ADGRL3: variants seen among roughly 807,000 people sequenced by gnomAD.
ADGRL3 encodes the protein adhesion G protein-coupled receptor L3.
Under a neutral mutation model 153.5 loss-of-function variants are expected in ADGRL3, and 62 were observed. That is an observed-to-expected ratio of 0.40 (90% CI 0.33 to 0.50). ADGRL3 has a LOEUF of 0.50. Among genes scored for constraint, ADGRL3 ranks in the 20% least tolerant of loss-of-function variants. ADGRL3 has a pLI of 0.47. For synonymous variants in ADGRL3, 710 were observed against 672.5 expected (o/e 1.06, Z -0.86); for missense variants, 1,641 against 1,859.4 (o/e 0.88, Z 2.16).
intron 5 of ADGRL3, among the ~76,000 whole-genome samples, chr4:61,607,412 T>G (rs2099036581): frequency 1.3e-5 from 2 of 152,118 alleles, no homozygotes; most frequent in Admixed American, 1.3e-4. Context: ...GCCTGACCAA[T>G]ATGGTGAAAC....
chr4:61,470,417 CT>C (rs1274107810), intron 2 of ADGRL3, among the ~76,000 whole-genome samples: 1 of 151,782 alleles, frequency 6.6e-6, no homozygotes, highest in Non-Finnish European at 1.5e-5. Flanking sequence ...TAGACACTGC[CT>C]TTTTTGTTGT....
At chr4:61,552,241 C>T (rs1158910582) in intron 4 of ADGRL3, among the ~76,000 whole-genome samples, 1 of 152,148 alleles carries the variant, frequency 6.6e-6, no homozygotes, top group Non-Finnish European at 1.5e-5. Flanking sequence ...ACTGTCTCAG[C>T]ATTTATTACC....
At chr4:61,922,922 A>G (rs540925226) in intron 13 of ADGRL3, among the ~76,000 whole-genome samples, 1 of 152,330 alleles carries the variant, frequency 6.6e-6, no homozygotes, top group Non-Finnish European at 1.5e-5. Flanking sequence ...TCATATGAGT[A>G]AATATGACCC....
chr4:61,643,405 G>A (rs1447497335), intron 5 of ADGRL3, among the ~76,000 whole-genome samples: 2 of 151,742 alleles, frequency 1.3e-5, no homozygotes, highest in Admixed American at 6.6e-5. Context: ...TGCCCATTCA[G>A]TATGATATTG....
chr4:61,265,239 C>T (rs1012474610), intron 1 of ADGRL3, among the ~76,000 whole-genome samples: 16 of 151,818 alleles, frequency 1.1e-4, no homozygotes, highest in Non-Finnish European at 1.5e-4. Flanking sequence ...GAAAAAAAAC[C>T]TGTTAATACT....
intron 5 of ADGRL3, among the ~76,000 whole-genome samples, chr4:61,588,449 GTTA>G (rs1304730684): frequency 2.0e-5 from 3 of 151,744 alleles, no homozygotes; most frequent in Non-Finnish European, 2.9e-5. Context: ...TAGTCAATAT[GTTA>G]TTTTTATAAA....
intron 2 of ADGRL3, among the ~76,000 whole-genome samples, chr4:61,438,573 A>G (rs1049991516): frequency 6.6e-6 from 1 of 152,012 alleles, no homozygotes; most frequent in African/African-American, 2.4e-5. Flanking sequence ...GAGGCCCCAT[A>G]GAAGATGTTC....
intron 5 of ADGRL3, among the ~76,000 whole-genome samples, chr4:61,611,007 T>C (rs2091268863): frequency 1.3e-5 from 2 of 152,190 alleles, no homozygotes; most frequent in African/African-American, 4.8e-5. Flanking sequence ...AAAATGTTAA[T>C]ATATGTAGGA....
At chr4:61,314,014 G>A (rs1463749806) in intron 1 of ADGRL3, among the ~76,000 whole-genome samples, 1 of 152,084 alleles carries the variant, frequency 6.6e-6, no homozygotes, top group Admixed American at 6.6e-5. Context: ...GAAACACAGG[G>A]AGAATGTGCA....
At position 61,224,237 on chromosome 4, in the gene ADGRL3, A is replaced by G. The variant is rs988709895; in HGVS notation, c.-240+22472A>G. Among the ~76,000 whole-genome samples, 4 of 152,180 alleles carry G rather than the reference A, an allele frequency of 2.6e-5. No homozygotes were observed. The East Asian group carries it at 5.8e-4, about 22-fold the overall frequency. ...TAAATATGTTTATTTATCCATAGCT[A>G]AAATTTGTTGGGTGAACTCATAAAT... On this transcript the variant is annotated intron_variant, in intron 1 of 26. Transcript: ENST00000683033.
intron 3 of ADGRL3, among the ~76,000 whole-genome samples, chr4:61,510,520 T>C (rs2098457879): frequency 6.6e-6 from 1 of 152,226 alleles, no homozygotes; most frequent in African/African-American, 2.4e-5. Flanking sequence ...TAGGGAGTCA[T>C]TTCCCCATTG....
chr4:61,840,212 T>C (rs1377102895), intron 9 of ADGRL3, among the ~76,000 whole-genome samples: 1 of 152,156 alleles, frequency 6.6e-6, no homozygotes. Context: ...CCCATGTAGC[T>C]GGGATTACAG....
At chr4:61,720,862 A>G (rs1376926907) in intron 6 of ADGRL3, among the ~76,000 whole-genome samples, 1 of 152,120 alleles carries the variant, frequency 6.6e-6, no homozygotes, top group Non-Finnish European at 1.5e-5. Flanking sequence ...TTTCCCAGGG[A>G]GCATAGCACA....
At chr4:61,959,145 C>G (rs2098978632) in intron 17 of ADGRL3, among the ~76,000 whole-genome samples, 1 of 152,130 alleles carries the variant, frequency 6.6e-6, no homozygotes, top group Non-Finnish European at 1.5e-5. Context: ...ATCCAAATGT[C>G]TGTTCATCTC....
rs1233082800 is a variant in ADGRL3, at chr4:61,935,991, C to T, written c.2365C>T (p.His789Tyr). ...CCTAAAATTTCCAGAAAACATGGGC[C>T]ATGGAAGCACTATCCAGCTGTCTGC... ...EDLKFPENMGHGSTIQLSANT... is the reference protein window; with the variant it reads ...EDLKFPENMGYGSTIQLSANT... The change falls in exon 15 of 27, where the codon CAT (histidine) becomes TAT (tyrosine). Residue 789 changes from histidine (H) to tyrosine (Y), a missense_variant. This residue lies in a region of ADGRL3 where 734 missense variants were observed against 797.0 expected (regional missense o/e 0.92). Transcript: ENST00000683033. 1.2e-6 allele frequency: 2 copies of T among 1,608,552 alleles called. No individual in the cohort carries two copies. The highest frequency in any genetic ancestry group is 2.7e-5 in the African/African-American group (2 of 74,790).
At chr4:61,737,047 T>G (rs1390198538) in intron 8 of ADGRL3, among the ~76,000 whole-genome samples, 1 of 152,120 alleles carries the variant, frequency 6.6e-6, no homozygotes, top group African/African-American at 2.4e-5. Flanking sequence ...CAGCTGGGTA[T>G]TTTTCTTTAG....
chr4:61,617,105 G>C (rs982080360), intron 5 of ADGRL3, among the ~76,000 whole-genome samples: 1 of 151,910 alleles, frequency 6.6e-6, no homozygotes, highest in Admixed American at 6.6e-5. Context: ...TAATTTCAGG[G>C]GTCCCTTCGT....
chr4:61,214,868 T>C (rs1005247930), intron 1 of ADGRL3, among the ~76,000 whole-genome samples: 4 of 151,936 alleles, frequency 2.6e-5, no homozygotes, highest in Non-Finnish European at 5.9e-5. Flanking sequence ...AGCTGGGGAG[T>C]TCCAGGCTGC....
At chr4:61,409,077 G>A (rs554938825) in intron 2 of ADGRL3, among the ~76,000 whole-genome samples, 1 of 150,672 alleles carries the variant, frequency 6.6e-6, no homozygotes, top group East Asian at 1.9e-4. Flanking sequence ...ATCTCTGCCT[G>A]ACTCATTAAC....
Sources: gnomAD v4.1 joint callset for allele counts (sites outside exome capture counted in the v4.1 genomes callset) on GRCh38, gnomAD v4.1.1 for gene constraint, gnomAD v4.1.1 regional missense constraint, MANE v1.5 for transcripts, NCBI Gene and HGNC (gene_info 2026-07-23, HGNC 2026-07-21) for gene names.